TMEFF2: variants seen among roughly 807,000 people sequenced by gnomAD.
The protein encoded by TMEFF2 is transmembrane protein with EGF like and two follistatin like domains 2.
A neutral mutation model predicts 53.8 loss-of-function variants in TMEFF2; 28 were observed. That is an observed-to-expected ratio of 0.52 (90% confidence interval 0.39 to 0.71). The LOEUF (loss-of-function observed/expected upper bound fraction) is 0.71, where lower values mean the gene tolerates loss of function less well. Among genes scored for constraint, TMEFF2 ranks in the 30% least tolerant of loss-of-function variants. The pLI is 0.00. For missense variants in TMEFF2, 353 were observed against 455.2 expected (o/e 0.78, Z 2.04); for synonymous variants, 162 against 166.3 (o/e 0.97, Z 0.20).
intron 4 of TMEFF2, among the ~76,000 whole-genome samples, chr2:192,075,324 T>TAAATATAA (rs1459508513): frequency 1.0e-4 from 8 of 77,260 alleles, no homozygotes; most frequent in South Asian, 7.3e-4. Context: ...TATATATATA[T>TAAATATAA]ATATATATAC....
intron 5 of TMEFF2, among the ~76,000 whole-genome samples, chr2:192,046,490 A>G (rs201431885): frequency 6.6e-6 from 1 of 152,270 alleles, no homozygotes; most frequent in East Asian, 1.9e-4. Context: ...TCAGCATTTA[A>G]TATGTGGTGC....
chr2:192,087,844 T>C (rs542828687), intron 4 of TMEFF2, among the ~76,000 whole-genome samples: 10 of 152,296 alleles, frequency 6.6e-5, no homozygotes, highest in Admixed American at 5.9e-4. Flanking sequence ...ACCATAATAT[T>C]ATATATTTTG....
chr2:192,166,007 C>T, intron 4 of TMEFF2, among the ~76,000 whole-genome samples: 1 of 152,182 alleles, frequency 6.6e-6, no homozygotes, highest in East Asian at 1.9e-4. Context: ...CGGGTGTTCA[C>T]TGAAATGGGC....
intron 2 of TMEFF2, among the ~76,000 whole-genome samples, chr2:192,188,513 G>A (rs1164903884): frequency 3.3e-5 from 5 of 152,158 alleles, no homozygotes; most frequent in South Asian, 4.1e-4. Context: ...GAGCTGTTTC[G>A]ATTAAGCCCT....
intron 7 of TMEFF2, among the ~76,000 whole-genome samples, chr2:191,964,514 C>T (rs1343065676): frequency 3.3e-5 from 5 of 151,006 alleles, no homozygotes; most frequent in South Asian, 2.1e-4. Flanking sequence ...AAGGGCTCTC[C>T]GTCAATTATC....
rs543922831 is a variant in TMEFF2, at chr2:192,104,686, A to G, written c.440-46911T>C. The stretch of plus-strand genomic sequence containing the variant: ...TAAATGATTTGAAAGCAAACAGCAC[A>G]TTCATTTCATCATTTTTTTTTCCTT... On this transcript the variant is annotated intron_variant, in intron 4 of 9. Coordinates refer to ENST00000272771, the MANE Select transcript of TMEFF2 (RefSeq NM_016192.4). 1.3e-3 allele frequency among the ~76,000 whole-genome samples: 191 copies of G among 150,968 alleles called. 1 individual carries two copies. Among genetic ancestry groups the G allele is most frequent in the African/African-American group, 4.5e-3 (186 of 41,000 alleles).
At chr2:192,158,456 C>T (rs1690557527) in intron 4 of TMEFF2, among the ~76,000 whole-genome samples, 1 of 151,962 alleles carries the variant, frequency 6.6e-6, no homozygotes, top group African/African-American at 2.4e-5. Flanking sequence ...TTGGTATTTC[C>T]TAATAAATTT....
intron 4 of TMEFF2, among the ~76,000 whole-genome samples, chr2:192,062,892 G>A (rs771303938): frequency 6.6e-6 from 1 of 151,722 alleles, no homozygotes; most frequent in Non-Finnish European, 1.5e-5. Context: ...GCTATTTTAT[G>A]AGAGTTTGTG....
At chr2:192,040,112 A>AT (rs966942015) in intron 5 of TMEFF2, among the ~76,000 whole-genome samples, 2 of 152,086 alleles carry the variant, frequency 1.3e-5, no homozygotes, top group Non-Finnish European at 2.9e-5. Context: ...CACAGTATAC[A>AT]TTTTTGTAGA....
At chr2:192,121,042 C>T (rs969388371) in intron 4 of TMEFF2, among the ~76,000 whole-genome samples, 1 of 151,952 alleles carries the variant, frequency 6.6e-6, no homozygotes, top group Middle Eastern at 3.2e-3. Context: ...CCTGAACAAA[C>T]ATTTTTCTAG....
chr2:191,995,108 G>T (rs758608806), intron 7 of TMEFF2, among the ~76,000 whole-genome samples: 2 of 151,916 alleles, frequency 1.3e-5, no homozygotes, highest in African/African-American at 4.8e-5. Context: ...TTTGTTGAAG[G>T]CATTGCTCCC....
chr2:192,062,656 A>G (rs1450580261), intron 4 of TMEFF2, among the ~76,000 whole-genome samples: 1 of 151,994 alleles, frequency 6.6e-6, no homozygotes, highest in African/African-American at 2.4e-5. Flanking sequence ...GTGTTGCAAT[A>G]TTTTTCTCGG....
At chr2:191,950,886 A>C (rs1691854944) in intron 9 of TMEFF2, among the ~76,000 whole-genome samples, 8 of 152,252 alleles carry the variant, frequency 5.3e-5, no homozygotes. Context: ...GTTTTGGACC[A>C]GCCTAATATC....
At chr2:192,193,999 T>C (rs1338761742) in intron 1 of TMEFF2, among the ~76,000 whole-genome samples, 1 of 152,216 alleles carries the variant, frequency 6.6e-6, no homozygotes, top group Non-Finnish European at 1.5e-5. Context: ...TTTTCTTTAA[T>C]GATGACAAAG....
intron 4 of TMEFF2, among the ~76,000 whole-genome samples, chr2:192,120,363 C>T (rs184208731): frequency 6.6e-6 from 1 of 152,288 alleles, no homozygotes; most frequent in African/African-American, 2.4e-5. Flanking sequence ...CGAAATTCCA[C>T]CTCTTTTAAT....
chr2:192,174,672 T>C (rs556753450), intron 4 of TMEFF2, among the ~76,000 whole-genome samples: 1 of 151,838 alleles, frequency 6.6e-6, no homozygotes, highest in African/African-American at 2.4e-5. Context: ...TTTCTTCCCA[T>C]ATATATTGCC....
intron 4 of TMEFF2, among the ~76,000 whole-genome samples, chr2:192,066,300 A>C (rs2105911741): frequency 6.6e-6 from 1 of 151,912 alleles, no homozygotes; most frequent in East Asian, 1.9e-4. Context: ...GAAATCCATT[A>C]TCTTTGTTTC....
At chr2:192,165,862 T>C (rs2106017120) in intron 4 of TMEFF2, among the ~76,000 whole-genome samples, 1 of 152,286 alleles carries the variant, frequency 6.6e-6, no homozygotes, top group Non-Finnish European at 1.5e-5. Context: ...TATTTAGAGG[T>C]GAAAACTACT....
chr2:192,078,244 T>C (rs1688478309), intron 4 of TMEFF2, among the ~76,000 whole-genome samples: 1 of 152,118 alleles, frequency 6.6e-6, no homozygotes, highest in Non-Finnish European at 1.5e-5. Flanking sequence ...CCATCATCTG[T>C]AATATGAGGG....
Sources: allele counts gnomAD v4.1 joint callset (sites outside exome capture counted in the v4.1 genomes callset), GRCh38; gene constraint gnomAD v4.1.1; transcripts MANE v1.5; gene names NCBI Gene and HGNC (gene_info 2026-07-23, HGNC 2026-07-21).